The following FARP1 variants were observed in gnomAD, a reference collection of about 807,000 sequenced individuals.
FARP1 encodes FERM, ARH/RhoGEF and pleckstrin domain protein 1.
A neutral mutation model predicts 128.8 loss-of-function variants in FARP1; 52 were observed. That is an observed-to-expected ratio of 0.40 (90% CI 0.32 to 0.51). The LOEUF is 0.51. FARP1 is among the 20% of genes least tolerant of loss of function. The probability of loss-of-function intolerance (pLI) is 0.45; values close to 1 mark genes in which losing one functional copy is unlikely to be tolerated. For missense variants in FARP1, 1,333 were observed against 1,367.9 expected (o/e 0.97, Z 0.40); for synonymous variants, 580 against 551.8 (o/e 1.05, Z -0.72).
intron 2 of FARP1, among the ~76,000 whole-genome samples, chr13:98,257,960 C>T (rs1364232048): frequency 1.3e-5 from 2 of 152,068 alleles, no homozygotes; most frequent in Non-Finnish European, 2.9e-5. Flanking sequence ...AACATCATGT[C>T]GTACACCATT....
chr13:98,231,635 C>T (rs369396688), intron 2 of FARP1, among the ~76,000 whole-genome samples: 9 of 151,924 alleles, frequency 5.9e-5, no homozygotes, highest in East Asian at 5.8e-4. Context: ...GACAGGGTTC[C>T]ACCATGTTGG....
At chr13:98,158,783 G>A (rs2139121160) in intron 1 of FARP1, among the ~76,000 whole-genome samples, 1 of 152,250 alleles carries the variant, frequency 6.6e-6, no homozygotes, top group African/African-American at 2.4e-5. Context: ...TTAAAAAATG[G>A]CGTGCTTCAC....
intron 2 of FARP1, among the ~76,000 whole-genome samples, chr13:98,237,298 C>G (rs1882479813): frequency 6.6e-6 from 1 of 150,726 alleles, no homozygotes; most frequent in Non-Finnish European, 1.5e-5. Context: ...GATCGAAACT[C>G]CGTCTCAAAA....
chr13:98,171,675 A>G (rs1380923040), intron 1 of FARP1, among the ~76,000 whole-genome samples: 3 of 152,212 alleles, frequency 2.0e-5, no homozygotes, highest in Non-Finnish European at 4.4e-5. Context: ...AATAGCAGTA[A>G]TCATACCAGA....
chr13:98,375,895 C>A (rs1229825315), intron 5 of FARP1, among the ~76,000 whole-genome samples: 1 of 152,172 alleles, frequency 6.6e-6, no homozygotes, highest in Non-Finnish European at 1.5e-5. Context: ...TCCCAAAGTG[C>A]TGGGAGCCAC....
At chr13:98,395,699 C>A (rs1890507606) in intron 13 of FARP1, 2 of 495,510 alleles carry the variant, frequency 4.0e-6, no homozygotes, top group Admixed American at 3.8e-5. Context: ...CGTAGGGCTT[C>A]CCCGCACTCT....
In FARP1 at chr13:98,169,992, T is replaced by A. The variant is rs1877538809; in HGVS notation, c.-24+26500T>A. The stretch of plus-strand genomic sequence containing the variant: ...CATGTAGTTATGTTTTGCCTTACTT[T>A]CTATGAGATCTCTTCAAATTAATCT... On this transcript the variant is annotated intron_variant, in intron 1 of 26. Coordinates refer to ENST00000319562, the MANE Select transcript of FARP1 (RefSeq NM_005766.4). Among the ~76,000 whole-genome samples the A allele has an allele frequency of 2.0e-5, 3 of 152,316 alleles. No homozygotes were observed. The South Asian group carries it at 6.2e-4, about 32-fold the overall frequency.
intron 24 of FARP1, among the ~76,000 whole-genome samples, chr13:98,443,570 C>T (rs533691806): frequency 2.6e-5 from 4 of 152,338 alleles, no homozygotes; most frequent in South Asian, 4.1e-4. Flanking sequence ...TTCCCACTCC[C>T]GTCTGACTCG....
intron 17 of FARP1, 36 bp from the exon 18 acceptor site, chr13:98,431,007 G>A: frequency 7.0e-7 from 1 of 1,430,540 alleles, no homozygotes; most frequent in Non-Finnish European, 9.8e-7. Context: ...ATCCCATTCA[G>A]CTGAACAGGA....
At chr13:98,334,979 C>A (rs1193426460) in intron 2 of FARP1, among the ~76,000 whole-genome samples, 1 of 152,234 alleles carries the variant, frequency 6.6e-6, no homozygotes, top group East Asian at 1.9e-4. Context: ...ACTAAGTCAT[C>A]ACGTTTCCAT....
chr13:98,386,542 T>TTA lies in FARP1; in HGVS notation c.759+736_759+737dup, dbSNP rs547286562. 4.1e-4 allele frequency among the ~76,000 whole-genome samples: 63 copies of TTA among 152,296 alleles called. 1 individual carries two copies. In the South Asian group the frequency reaches 0.012, roughly 30 times the overall value. On this transcript the variant is annotated intron_variant, in intron 8 of 26. Coordinates refer to ENST00000319562, the MANE Select transcript of FARP1 (RefSeq NM_005766.4). ...AAGTGCATAGTTTGATAGGTTTTTA[T>TTA]TATATATATGTATATCCTGTAAAAT...
At chr13:98,145,966 T>G (rs1001616597) in intron 1 of FARP1, among the ~76,000 whole-genome samples, 3 of 152,208 alleles carry the variant, frequency 2.0e-5, no homozygotes, top group Non-Finnish European at 4.4e-5. Context: ...GGGTTAGTTT[T>G]TTTTAAACAG....
At chr13:98,323,644 A>C (rs1440553728) in intron 2 of FARP1, among the ~76,000 whole-genome samples, 2 of 152,132 alleles carry the variant, frequency 1.3e-5, no homozygotes, top group African/African-American at 4.8e-5. Context: ...CCACCTTTTA[A>C]GGTTTCTCTA....
chr13:98,267,119 C>A lies in FARP1; in HGVS notation c.171+53706C>A, dbSNP rs9584789. 4.6e-5 allele frequency among the ~76,000 whole-genome samples: 7 copies of A among 151,778 alleles called. No individual in the cohort carries two copies. In the South Asian group the frequency reaches 1.5e-3, roughly 32 times the overall value. On this transcript the variant is annotated intron_variant, in intron 2 of 26. Transcript: ENST00000319562. ...GCACAGTAAGAAAAAATATTTTTACCTAAACGGTTTCAGCCACAGGCTAAA... is the reference window on the plus strand; with the variant it reads ...GCACAGTAAGAAAAAATATTTTTACATAAACGGTTTCAGCCACAGGCTAAA...
chr13:98,454,013 C>G lies in FARP1; in HGVS notation c.*5696C>G, dbSNP rs1387831524. On this transcript the variant is annotated 3_prime_UTR_variant, in exon 27 of 27. Transcript: ENST00000319562. ...TTCCTTTGAGCCCCATGCTGGCGCT[C>G]AAAAGTTTCAGATTGGGGATTTGGG... 1 of 152,152 alleles carries G rather than the reference C, an allele frequency of 6.6e-6. No homozygotes were observed. Among genetic ancestry groups the G allele is most frequent in the African/African-American group, 2.4e-5 (1 of 41,498 alleles). 9.4% of individuals were successfully genotyped at this position (152,152 alleles called of 1,614,324 possible). A position where few individuals can be genotyped will look rare whatever the true frequency, so the allele number is the denominator to read the frequency against.
chr13:98,395,183 C>T (rs759942206), intron 12 of FARP1, 44 bp from the exon 13 acceptor site: 4 of 1,550,442 alleles, frequency 2.6e-6, no homozygotes, highest in Non-Finnish European at 3.5e-6. Flanking sequence ...ATAACAGTCT[C>T]CCTCTTCTCT....
chr13:98,370,086 A>G (rs1038696435), intron 5 of FARP1, among the ~76,000 whole-genome samples: 2 of 152,230 alleles, frequency 1.3e-5, no homozygotes, highest in African/African-American at 4.8e-5. Flanking sequence ...CTCTTTAGGT[A>G]ATTGAAGTAG....
intron 3 of FARP1, among the ~76,000 whole-genome samples, chr13:98,355,100 C>T (rs9556936): frequency 0.17 from 26,408 of 152,014 alleles, 2,405 homozygotes; most frequent in East Asian, 0.32. Flanking sequence ...GTAATCCTAG[C>T]GCTTTGGGTG....
chr13:98,213,366 A>T lies in FARP1; in HGVS notation c.124A>T (p.Ile42Phe), dbSNP rs781579023. Residue 42 changes from isoleucine to phenylalanine, a missense_variant, in exon 2 of 27, where the codon ATC becomes TTC. Coordinates refer to ENST00000319562, the MANE Select transcript of FARP1 (RefSeq NM_005766.4). ...AACACCTTCAGGAAAACTCGTGTCC[A>T]TCAAAATCCAGATGCTGGATGACAC... ...PPTPSGKLVSIKIQMLDDTQE... is the reference protein window; with the variant it reads ...PPTPSGKLVSFKIQMLDDTQE... 6.2e-7 allele frequency: 1 copy of T among 1,614,130 alleles called. No individual in the cohort carries two copies. Among genetic ancestry groups the T allele is most frequent in the South Asian group, 1.1e-5 (1 of 91,074 alleles).
Sources: allele counts gnomAD v4.1 joint callset (sites outside exome capture counted in the v4.1 genomes callset), GRCh38; gene constraint gnomAD v4.1.1; transcripts MANE v1.5; gene names NCBI Gene and HGNC (gene_info 2026-07-23, HGNC 2026-07-21).